The following RRAGD variants were observed in gnomAD, a reference collection of about 807,000 sequenced individuals.
The protein encoded by RRAGD is Ras related GTP binding D.
A neutral mutation model predicts 35.5 loss-of-function variants in RRAGD; 12 were observed. The ratio of observed to expected loss-of-function variants is 0.34; its 90% CI spans 0.22 to 0.55. The LOEUF (loss-of-function observed/expected upper bound fraction) is 0.55, where lower values mean the gene tolerates loss of function less well. Among genes scored for constraint, RRAGD ranks in the 20% least tolerant of loss-of-function variants. The pLI is 0.91. For missense variants in RRAGD, 324 were observed against 490.1 expected, an observed-to-expected ratio of 0.66 and a Z score of 3.20; for synonymous variants, 155 against 178.9, an observed-to-expected ratio of 0.87 and a Z score of 1.07.
chr6:89,396,754 T>C (rs1204578917), intron 1 of RRAGD, among the ~76,000 whole-genome samples: 1 of 122,368 alleles, frequency 8.2e-6, no homozygotes, highest in Non-Finnish European at 1.8e-5. Flanking sequence ...TTTTTTTTTT[T>C]TTTGAGACAG....
At position 89,412,016 on chromosome 6, in the gene RRAGD, C is replaced by T. The variant is rs779185908; in HGVS notation, c.-23G>A. 2.0e-5 allele frequency: 31 copies of T among 1,519,688 alleles called. No individual in the cohort carries two copies. Among genetic ancestry groups the T allele is most frequent in the Non-Finnish European group, 2.5e-5 (29 of 1,138,726 alleles). The allele number at this position is 1,519,688 out of a possible 1,614,324, so 94.1% of individuals were successfully genotyped here. ...CATCGTGCCCACCGGCCGGCCGGCC[C>T]GGGGACGGCGGGGGTCCCGGGGTGG... On this transcript the variant is annotated 5_prime_UTR_variant, in exon 1 of 7. Transcript: ENST00000369415. The surrounding 1 kb of genome is among the most constrained non-coding windows in gnomAD (Gnocchi z 4.2).
rs1442385415 is a variant in RRAGD, at chr6:89,389,091, C to CACAG, written c.149-1505_149-1502dup. Among the ~76,000 whole-genome samples the CACAG allele has an allele frequency of 2.6e-5, 4 of 152,282 alleles. No homozygotes were observed. In the East Asian group the frequency reaches 7.7e-4, roughly 30 times the overall value. ...CCATGCAGCGCAGTTCCTAACAGGCCACAGACTGGTACAGGTCTGTGGCCC... is the reference window on the plus strand; with the variant it reads ...CCATGCAGCGCAGTTCCTAACAGGCCACAGACAGACTGGTACAGGTCTGTGGCCC... On this transcript the variant is annotated intron_variant, in intron 1 of 6. Transcript: ENST00000369415.
At chr6:89,403,017 T>A (rs1195747027) in intron 1 of RRAGD, among the ~76,000 whole-genome samples, 1 of 152,186 alleles carries the variant, frequency 6.6e-6, no homozygotes, top group Non-Finnish European at 1.5e-5. Flanking sequence ...ATGGCCATGA[T>A]GTTTCAGTCA....
Position 89,412,175 on chromosome 6 carries a change from C to T in RRAGD, c.-182G>A. Reference sequence around the variant, plus strand: ...GCGCCCAGGTCCGGGTCCCGCGGTTCCCAGCGCGCCCGAAGCCCCCTCCCC... The same window carrying T: ...GCGCCCAGGTCCGGGTCCCGCGGTTTCCAGCGCGCCCGAAGCCCCCTCCCC... On this transcript the variant is annotated 5_prime_UTR_variant, in exon 1 of 7. Transcript: ENST00000369415. This position sits in a 1 kb window ranked among gnomAD's most constrained non-coding sequence, Gnocchi z 4.2. The T allele has an allele frequency of 2.4e-6, 1 of 423,222 alleles. No individual in the cohort carries two copies. Among genetic ancestry groups the T allele is most frequent in the South Asian group, 1.1e-4 (1 of 9,012 alleles). 26.2% of individuals were successfully genotyped at this position (423,222 alleles called of 1,614,324 possible). A position where few individuals can be genotyped will look rare whatever the true frequency, so the allele number is the denominator to read the frequency against.
intron 2 of RRAGD, among the ~76,000 whole-genome samples, chr6:89,385,070 GA>G (rs547985104): frequency 3.8e-4 from 57 of 151,412 alleles, no homozygotes; most frequent in African/African-American, 1.3e-3. Context: ...GTCTGAGGAA[GA>G]AAAAAAACTT....
chr6:89,406,772 A>G (rs1377612930), intron 1 of RRAGD, among the ~76,000 whole-genome samples: 1 of 152,238 alleles, frequency 6.6e-6, no homozygotes, highest in Non-Finnish European at 1.5e-5. Context: ...ACACAAGCCC[A>G]TAGATGGCAA....
Position 89,372,202 on chromosome 6 carries a change from C to T in RRAGD, c.1051+235G>A, listed in dbSNP as rs554783798. 6.0e-4 allele frequency among the ~76,000 whole-genome samples: 91 copies of T among 152,312 alleles called. 2 individuals carry two copies. The highest frequency in any genetic ancestry group is 2.1e-3 in the African/African-American group (88 of 41,568). The stretch of plus-strand genomic sequence containing the variant: ...TGGGAGGATCATGGGGTTCCACTTC[C>T]ACCTCGCTGCAATCGCAGATGCACC... On this transcript the variant is annotated intron_variant, in intron 6 of 6. Coordinates refer to ENST00000369415, the MANE Select transcript of RRAGD (RefSeq NM_021244.5).
chr6:89,387,736 A>C, intron 1 of RRAGD, 146 bp from the exon 2 acceptor site: 1 of 801,952 alleles, frequency 1.2e-6, no homozygotes, highest in Non-Finnish European at 2.0e-6. Flanking sequence ...CTCCACTTAA[A>C]CCCCAAGTCT....
At chr6:89,393,342 C>G (rs1769272842) in intron 1 of RRAGD, among the ~76,000 whole-genome samples, 1 of 152,152 alleles carries the variant, frequency 6.6e-6, no homozygotes, top group Admixed American at 6.6e-5. Context: ...AATCCCACAA[C>G]AGGAAGGAAT....
chr6:89,404,405 T>A (rs905168629), intron 1 of RRAGD, among the ~76,000 whole-genome samples: 5 of 152,214 alleles, frequency 3.3e-5, no homozygotes, highest in African/African-American at 1.2e-4. Context: ...TTGGCCCAGA[T>A]CAGCACTTGG....
At chr6:89,370,382 T>C (rs1001230671) in intron 6 of RRAGD, among the ~76,000 whole-genome samples, 9 of 152,150 alleles carry the variant, frequency 5.9e-5, no homozygotes, top group African/African-American at 2.2e-4. Context: ...AAAATGTAAA[T>C]TCACATAATA....
chr6:89,403,131 T>C (rs1769505688), intron 1 of RRAGD, among the ~76,000 whole-genome samples: 2 of 152,186 alleles, frequency 1.3e-5, no homozygotes, highest in Admixed American at 1.3e-4. Flanking sequence ...TTAGGTGTTT[T>C]TACCACAATG....
chr6:89,372,278 A>G (rs1351667845), intron 6 of RRAGD, among the ~76,000 whole-genome samples, 159 bp downstream of exon 6: 1 of 152,204 alleles, frequency 6.6e-6, no homozygotes, highest in Non-Finnish European at 1.5e-5. Context: ...TGGGGGCAGG[A>G]GCCCGCCCCG....
At chr6:89,375,908 C>A (rs1235346075) in intron 5 of RRAGD, among the ~76,000 whole-genome samples, 1 of 152,224 alleles carries the variant, frequency 6.6e-6, no homozygotes, top group East Asian at 1.9e-4. Flanking sequence ...CTCTGATTAA[C>A]ATCATTTACA....
chr6:89,373,487 G>A (rs978625673), intron 5 of RRAGD, among the ~76,000 whole-genome samples: 17 of 151,992 alleles, frequency 1.1e-4, no homozygotes, highest in Admixed American at 8.5e-4. Context: ...ACGTGGTGGC[G>A]CACACCTGTA....
chr6:89,373,087 T>C (rs978568453), intron 5 of RRAGD, among the ~76,000 whole-genome samples: 3 of 152,240 alleles, frequency 2.0e-5, no homozygotes, highest in African/African-American at 7.2e-5. Context: ...ATATATTAGA[T>C]AATAATGTAG....
At position 89,396,227 on chromosome 6, in the gene RRAGD, G is replaced by A. The variant is rs1490964339; in HGVS notation, c.149-8637C>T. On this transcript the variant is annotated intron_variant, in intron 1 of 6. Coordinates refer to ENST00000369415, the MANE Select transcript of RRAGD (RefSeq NM_021244.5). ...AAATACAAAAATGAAGAATTTGTTG[G>A]GACTTAAAAGACAGCAGCAACTCTC... is the stretch of plus-strand genomic sequence containing the variant. 4.0e-5 allele frequency among the ~76,000 whole-genome samples: 6 copies of A among 151,680 alleles called. No homozygotes were observed. In the East Asian group the frequency reaches 1.2e-3, roughly 29 times the overall value.
chr6:89,387,794 C>T (rs1427899167), intron 1 of RRAGD, among the ~76,000 whole-genome samples: 1 of 152,120 alleles, frequency 6.6e-6, no homozygotes, highest in Non-Finnish European at 1.5e-5. Flanking sequence ...ATACTTCCCA[C>T]CAGGCAAAGG....
At chr6:89,374,560 G>A (rs772556504) in intron 5 of RRAGD, among the ~76,000 whole-genome samples, 34 of 152,020 alleles carry the variant, frequency 2.2e-4, no homozygotes, top group Admixed American at 1.6e-3. Context: ...GAGAAACTCC[G>A]TCTCTACTAA....
Sources: gnomAD v4.1 joint callset for allele counts (sites outside exome capture counted in the v4.1 genomes callset) on GRCh38, gnomAD v4.1.1 for gene constraint, Gnocchi (gnomAD v3.1) non-coding constraint, MANE v1.5 for transcripts, NCBI Gene and HGNC (gene_info 2026-07-23, HGNC 2026-07-21) for gene names.